Variants in CNTN1 observed in about 807,000 individuals in gnomAD.
The protein encoded by CNTN1 is contactin-1.
A neutral mutation model predicts 126.4 loss-of-function variants in CNTN1; 38 were observed. The observed-to-expected ratio is 0.30, with a 90% CI of 0.23 to 0.39. CNTN1 has a LOEUF of 0.39. Ranked by LOEUF, CNTN1 falls within the 10% of genes least tolerant of loss-of-function variation. The pLI, the probability that CNTN1 is intolerant of heterozygous loss-of-function variation, is 1.00. For synonymous variants in CNTN1, 413 were observed against 422.6 expected, an observed-to-expected ratio of 0.98 and a Z score of 0.28; for missense variants, 1,009 against 1,248.4, an observed-to-expected ratio of 0.81 and a Z score of 2.89.
chr12:41,045,467 T>C (rs1566209097), intron 23 of CNTN1, among the ~76,000 whole-genome samples: 1 of 152,174 alleles, frequency 6.6e-6, no homozygotes, highest in Non-Finnish European at 1.5e-5. Context: ...GAAAGGAAAG[T>C]GACTTTGTGA....
At chr12:40,943,167 G>A (rs1946315345) in intron 12 of CNTN1, among the ~76,000 whole-genome samples, 1 of 152,044 alleles carries the variant, frequency 6.6e-6, no homozygotes, top group Non-Finnish European at 1.5e-5. Context: ...TGTTACTAAG[G>A]AGGTTTTAAA....
At chr12:40,909,123 A>G (rs941922888) in intron 2 of CNTN1, among the ~76,000 whole-genome samples, 2 of 152,128 alleles carry the variant, frequency 1.3e-5, no homozygotes, top group Admixed American at 6.5e-5. Flanking sequence ...CAATTTGATC[A>G]ATATAATTTA....
At chr12:41,001,500 C>T (rs1257624229) in intron 17 of CNTN1, among the ~76,000 whole-genome samples, 12 of 152,098 alleles carry the variant, frequency 7.9e-5, no homozygotes, top group Admixed American at 7.9e-4. Context: ...ATTAATTAGA[C>T]TTTTGTCAGA....
intron 1 of CNTN1, among the ~76,000 whole-genome samples, chr12:40,783,062 CTG>C (rs1333391863): frequency 6.6e-6 from 1 of 151,896 alleles, no homozygotes; most frequent in Non-Finnish European, 1.5e-5. Context: ...AGAGTATAAA[CTG>C]TTTTGTTAGA....
intron 1 of CNTN1, among the ~76,000 whole-genome samples, chr12:40,830,832 T>A (rs7980276): frequency 1.1e-5 from 1 of 88,698 alleles, no homozygotes; most frequent in East Asian, 3.8e-4. Context: ...TATATATATA[T>A]ATACTCTTTA....
At chr12:41,013,079 T>C (rs1948701519) in intron 17 of CNTN1, among the ~76,000 whole-genome samples, 1 of 152,122 alleles carries the variant, frequency 6.6e-6, no homozygotes, top group Non-Finnish European at 1.5e-5. Flanking sequence ...CTGGATTTTA[T>C]AGTCAGGTTT....
chr12:41,003,538 A>G (rs536422532), intron 17 of CNTN1, among the ~76,000 whole-genome samples: 2 of 150,116 alleles, frequency 1.3e-5, no homozygotes, highest in Admixed American at 6.6e-5. Context: ...TCTTCTTTGT[A>G]CATTTGGTAG....
intron 1 of CNTN1, among the ~76,000 whole-genome samples, chr12:40,717,784 G>A (rs1489966350): frequency 6.6e-6 from 1 of 152,144 alleles, no homozygotes; most frequent in Non-Finnish European, 1.5e-5. Flanking sequence ...GACACCTGGT[G>A]GATTACTTCA....
chr12:41,027,779 T>C, intron 21 of CNTN1, 78 bp from the exon 22 acceptor site: 1 of 881,448 alleles, frequency 1.1e-6, no homozygotes, highest in Non-Finnish European at 1.9e-6. Context: ...ATCAGCATTA[T>C]AATACCTGAT....
chr12:40,705,998 C>T (rs1476000431), intron 1 of CNTN1, among the ~76,000 whole-genome samples: 3 of 151,978 alleles, frequency 2.0e-5, no homozygotes, highest in Non-Finnish European at 4.4e-5. Flanking sequence ...CCCCAGGATC[C>T]AATCATCTCC....
At chr12:40,970,698 AAT>A (rs1208444689) in intron 15 of CNTN1, among the ~76,000 whole-genome samples, 1 of 152,172 alleles carries the variant, frequency 6.6e-6, no homozygotes, top group Non-Finnish European at 1.5e-5. Context: ...TTTCTGTATT[AAT>A]ATACACATAC....
chr12:40,948,335 G>T (rs1325704619), intron 14 of CNTN1, among the ~76,000 whole-genome samples: 9 of 125,772 alleles, frequency 7.2e-5, no homozygotes, highest in Non-Finnish European at 1.6e-5. Flanking sequence ...TGCTGTGCTG[G>T]ATACTTAGAC....
At chr12:40,966,956 G>A (rs1034947648) in intron 15 of CNTN1, among the ~76,000 whole-genome samples, 9 of 152,004 alleles carry the variant, frequency 5.9e-5, no homozygotes, top group Admixed American at 5.2e-4. Flanking sequence ...AATTACTCCC[G>A]GGTCTCTTAT....
chr12:40,844,675 A>G (rs1456758897), intron 1 of CNTN1, among the ~76,000 whole-genome samples: 1 of 152,222 alleles, frequency 6.6e-6, no homozygotes, highest in Non-Finnish European at 1.5e-5. Flanking sequence ...TTTTACAGGT[A>G]GAAACTGAAT....
At chr12:40,721,126 G>A (rs1042860252) in intron 1 of CNTN1, among the ~76,000 whole-genome samples, 4 of 151,716 alleles carry the variant, frequency 2.6e-5, no homozygotes, top group African/African-American at 7.3e-5. Context: ...CTCCTCTTTC[G>A]GAATCCCAGG....
At chr12:41,031,435 A>G (rs1340857013) in intron 23 of CNTN1, among the ~76,000 whole-genome samples, 1 of 152,216 alleles carries the variant, frequency 6.6e-6, no homozygotes, top group Non-Finnish European at 1.5e-5. Flanking sequence ...TAAAATATTA[A>G]GAAATGATGG....
intron 14 of CNTN1, among the ~76,000 whole-genome samples, chr12:40,952,972 T>G (rs1339722290): frequency 1.3e-5 from 2 of 152,198 alleles, no homozygotes; most frequent in Admixed American, 6.6e-5. Flanking sequence ...ATTATTTAAA[T>G]GACAATTATG....
chr12:40,844,069 ATTTTTT>A, intron 1 of CNTN1, among the ~76,000 whole-genome samples: 1 of 84,658 alleles, frequency 1.2e-5, no homozygotes, highest in Non-Finnish European at 2.3e-5. Context: ...TGGCACAATG[ATTTTTT>A]TTTTTTTTTT....
At chr12:41,039,462 G>T (rs979507594) in intron 23 of CNTN1, among the ~76,000 whole-genome samples, 22 of 152,116 alleles carry the variant, frequency 1.4e-4, no homozygotes, top group African/African-American at 5.3e-4. Flanking sequence ...ATCATCTCCT[G>T]AAACAACTAG....
Sources: allele counts gnomAD v4.1 joint callset (sites outside exome capture counted in the v4.1 genomes callset), GRCh38; gene constraint gnomAD v4.1.1; transcripts MANE v1.5; gene names NCBI Gene and HGNC (gene_info 2026-07-23, HGNC 2026-07-21).